The following SETDB2 variants were observed in gnomAD, a reference collection of about 807,000 sequenced individuals.
SETDB2 encodes the protein histone-lysine N-methyltransferase SETDB2.
Under a neutral mutation model 82.5 loss-of-function variants are expected in SETDB2, and 56 were observed. The observed-to-expected ratio is 0.68, with a 90% CI of 0.55 to 0.85. The LOEUF (loss-of-function observed/expected upper bound fraction) is 0.85. Ranked by LOEUF, SETDB2 falls within the 40% of genes least tolerant of loss-of-function variation. The pLI is 0.00. For synonymous variants in SETDB2, 272 were observed against 284.9 expected, an observed-to-expected ratio of 0.95 and a Z score of 0.46; for missense variants, 677 against 816.4, an observed-to-expected ratio of 0.83 and a Z score of 2.08.
chr13:49,470,120 G>A (rs1958197739), intron 5 of SETDB2, among the ~76,000 whole-genome samples: 1 of 152,086 alleles, frequency 6.6e-6, no homozygotes, highest in African/African-American at 2.4e-5. Flanking sequence ...TTAAAAATCC[G>A]AGCTTCCAAG....
At chr13:49,465,317 T>G (rs1343987093) in intron 4 of SETDB2, among the ~76,000 whole-genome samples, 1 of 152,222 alleles carries the variant, frequency 6.6e-6, no homozygotes, top group African/African-American at 2.4e-5. Flanking sequence ...CCCTTTCCTC[T>G]TTTTTCTAAT....
In SETDB2 at chr13:49,476,982, C is replaced by G. The variant is rs1412298373; in HGVS notation, c.812C>G (p.Thr271Ser). ...KTVWPRAYNL[T>S]NFSSMFTDSC... is the part of the protein sequence containing the mutation. ...GTGTGGCCTCGAGCATATAATCTAA[C>G]CAACTTTTCCAGCATGTTTACTGAT... is the stretch of plus-strand genomic sequence containing the variant. The change falls in exon 6 of 14, where the codon ACC becomes AGC. Residue 271 changes from threonine to serine, a missense_variant. By Grantham distance (58) the Thr-to-Ser change is moderately conservative. This residue lies in a region of SETDB2 where 420 missense variants were observed against 554.6 expected (regional missense o/e 0.76). Coordinates refer to ENST00000611815, the MANE Select transcript of SETDB2 (RefSeq NM_001160308.3). 1 of 1,612,598 alleles carries G rather than the reference C, an allele frequency of 6.2e-7. No individual in the cohort carries two copies. The highest frequency in any genetic ancestry group is 8.5e-7 in the Non-Finnish European group (1 of 1,179,774).
intron 11 of SETDB2, among the ~76,000 whole-genome samples, chr13:49,486,779 T>C (rs1395292752): frequency 6.6e-6 from 1 of 152,178 alleles, no homozygotes; most frequent in Non-Finnish European, 1.5e-5. Context: ...TGGACAAACA[T>C]TGTTTTTGGT....
Position 49,451,797 on chromosome 13 carries a change from A to G in SETDB2, c.-97A>G, listed in dbSNP as rs1003233544. 5 of 936,174 alleles carry G rather than the reference A, an allele frequency of 5.3e-6. No homozygotes were observed. The highest frequency in any genetic ancestry group is 8.1e-6 in the Non-Finnish European group (5 of 615,286). The allele number at this position is 936,174 out of a possible 1,614,324, so 58.0% of individuals were successfully genotyped here. On this transcript the variant is annotated 5_prime_UTR_variant, in exon 2 of 14. Coordinates refer to ENST00000611815, the MANE Select transcript of SETDB2 (RefSeq NM_001160308.3). Reference sequence around the variant, plus strand: ...ATTTTGTCTGAGGACTGCAAATTTTATAGAGACCACAGTTGGATTCCAGTG... The same window carrying G: ...ATTTTGTCTGAGGACTGCAAATTTTGTAGAGACCACAGTTGGATTCCAGTG...
At position 49,491,841 on chromosome 13, in the gene SETDB2, A is replaced by T. The variant is rs766143067; in HGVS notation, c.2116A>T (p.Ile706Leu). ...QCGVNKCRKKIL is the reference protein window; with the variant it reads ...QCGVNKCRKKLL ...TGGGGTTAATAAATGTAGAAAAAAA[A>T]TATTATAAATATGTAACTAACGCCT... is the stretch of plus-strand genomic sequence containing the variant. Residue 706 changes from isoleucine (I) to leucine (L), a missense_variant, in exon 14 of 14, where the codon ATA (isoleucine) becomes TTA (leucine). Ile to Leu is a conservative substitution (Grantham distance 5). Transcript: ENST00000611815. 17 of 1,592,182 alleles carry T rather than the reference A, an allele frequency of 1.1e-5. No individual in the cohort carries two copies. The Admixed American group carries it at 2.0e-4, about 19-fold the overall frequency.
Position 49,471,828 on chromosome 13 carries a change from A to G in SETDB2, c.305+3868A>G, listed in dbSNP as rs1452872506. Reference sequence around the variant, plus strand: ...CTCAACTCTACTTCTCTCTGTTACCAGTAGGTTTCTTCTCTTCCCACATGA... The same window carrying G: ...CTCAACTCTACTTCTCTCTGTTACCGGTAGGTTTCTTCTCTTCCCACATGA... On this transcript the variant is annotated intron_variant, in intron 5 of 13. Transcript: ENST00000611815. Among the ~76,000 whole-genome samples, 6 of 150,824 alleles carry G rather than the reference A, an allele frequency of 4.0e-5. No individual in the cohort carries two copies. In the East Asian group the frequency reaches 5.8e-4, roughly 15 times the overall value.
intron 2 of SETDB2, among the ~76,000 whole-genome samples, chr13:49,456,954 TAAGG>T (rs1479141039): frequency 2.6e-5 from 4 of 152,124 alleles, no homozygotes; most frequent in Non-Finnish European, 5.9e-5. Context: ...TATGAGATAA[TAAGG>T]AAGTCATAAG....
At position 49,476,688 on chromosome 13, in the gene SETDB2, C is replaced by T. The variant is rs1958371003; in HGVS notation, c.518C>T (p.Ser173Leu). The change falls in exon 6 of 14, where the codon TCA becomes TTA. Residue 173 changes from serine (S) to leucine (L), a missense_variant. Ser to Leu is a moderately radical substitution (Grantham distance 145, BLOSUM62 -2). Around this residue, in one of 3 missense-constraint regions of SETDB2, gnomAD observed 243 missense variants for 237.2 expected, o/e 1.02. Transcript: ENST00000611815. ...RRHAKTNSHS[S>L]ALHVSYKTPC... is the part of the protein sequence containing the mutation. ...CATGCAAAGACAAACTCTCATTCTTCAGCACTCCACGTGAGTTATAAAACC... is the reference window on the plus strand; with the variant it reads ...CATGCAAAGACAAACTCTCATTCTTTAGCACTCCACGTGAGTTATAAAACC... The T allele has an allele frequency of 3.1e-6, 5 of 1,614,212 alleles. No homozygotes were observed. The highest frequency in any genetic ancestry group is 4.2e-6 in the Non-Finnish European group (5 of 1,180,032).
rs1210948516 is a variant in SETDB2 at position 49,476,722 on chromosome 13, A to T, written c.552A>T (p.Gly184=). Residue 184 remains glycine, a synonymous_variant, in exon 6 of 14, where the codon GGA becomes GGT. Coordinates refer to ENST00000611815, the MANE Select transcript of SETDB2 (RefSeq NM_001160308.3). ...ACGTGAGTTATAAAACCCCTTGTGG[A>T]AGGAGTCTACGAAACGTGGAGGAAG... The part of the protein sequence containing the change: ...ALHVSYKTPC[G]RSLRNVEEVF... 6.2e-7 allele frequency: 1 copy of T among 1,614,234 alleles called. No individual in the cohort carries two copies.
At chr13:49,449,762 T>G (rs1957754391) in intron 1 of SETDB2, among the ~76,000 whole-genome samples, 2 of 152,334 alleles carry the variant, frequency 1.3e-5, no homozygotes, top group Admixed American at 1.3e-4. Context: ...TCATGATATC[T>G]TTAAGAATTT....
chr13:49,451,770 G>A lies in SETDB2; in HGVS notation c.-124G>A, dbSNP rs1376641264. On this transcript the variant is annotated 5_prime_UTR_variant, in exon 2 of 14. An upstream start codon of the reference 5' UTR is lost. Coordinates refer to ENST00000611815, the MANE Select transcript of SETDB2 (RefSeq NM_001160308.3). ...ACCAGGTTTAGAATGGTATAATGAT[G>A]TATTTTGTCTGAGGACTGCAAATTT... The A allele has an allele frequency of 1.6e-5, 10 of 607,868 alleles. No individual in the cohort carries two copies. The highest frequency in any genetic ancestry group is 2.9e-5 in the Non-Finnish European group (10 of 350,540). 37.7% of individuals were successfully genotyped at this position (607,868 alleles called of 1,614,324 possible).
Position 49,476,763 on chromosome 13 carries a change from T to C in SETDB2, c.593T>C (p.Leu198Pro), listed in dbSNP as rs1163766905. Residue 198 changes from leucine (L) to proline (P), a missense_variant, in exon 6 of 14, where the codon CTT (leucine) becomes CCT (proline). This residue lies in a region of SETDB2 where 243 missense variants were observed against 237.2 expected (regional missense o/e 1.02). Transcript: ENST00000611815. Reference protein sequence around the residue: ...RNVEEVFRYLLETECNFLFTD... With the variant: ...RNVEEVFRYLPETECNFLFTD... ...GTGGAGGAAGTTTTTCGTTACCTGC[T>C]TGAGACAGAGTGTAACTTTTTATTT... is the stretch of plus-strand genomic sequence containing the variant. The C allele has an allele frequency of 6.2e-7, 1 of 1,614,156 alleles. No individual in the cohort carries two copies. The highest frequency in any genetic ancestry group is 1.7e-5 in the Admixed American group (1 of 60,020).
Position 49,444,552 on chromosome 13 carries a change from T to C in SETDB2, c.-647T>C, listed in dbSNP as rs890453641. 2 of 157,026 alleles carry C rather than the reference T, an allele frequency of 1.3e-5. No individual in the cohort carries two copies. The highest frequency in any genetic ancestry group is 2.4e-5 in the African/African-American group (1 of 41,434). 9.7% of individuals were successfully genotyped at this position (157,026 alleles called of 1,614,324 possible). ...CGTGGCTGGCCCCCGACAGTTCCTC[T>C]AGCCGGGAGGTTGGAGGAGCTGAAA... On this transcript the variant is annotated 5_prime_UTR_variant, in exon 1 of 14. Coordinates refer to ENST00000611815, the MANE Select transcript of SETDB2 (RefSeq NM_001160308.3).
intron 13 of SETDB2, 26 bp from the exon 14 acceptor site, chr13:49,491,706 A>G (rs780069264): frequency 6.6e-7 from 1 of 1,522,338 alleles, no homozygotes; most frequent in Non-Finnish European, 9.1e-7. Context: ...GTATTTTATG[A>G]TTCTTTTCAA....
intron 5 of SETDB2, 103 bp downstream of exon 5, chr13:49,468,063 C>T (rs1265959368): frequency 1.5e-6 from 1 of 657,308 alleles, no homozygotes; most frequent in African/African-American, 1.9e-5. Context: ...AAAAATTTTT[C>T]CCATTAAAGC....
chr13:49,477,014 G>A lies in SETDB2; in HGVS notation c.844G>A (p.Asp282Asn). Residue 282 changes from aspartate to asparagine, a missense_variant, in exon 6 of 14, where the codon GAC becomes AAC. Physicochemically the swap from Asp to Asn is conservative, Grantham distance 23. Transcript: ENST00000611815. ...NFSSMFTDSC[D>N]CSEGCIDITK... ...TTCCAGCATGTTTACTGATTCCTGT[G>A]ACTGCTCTGAGGGCTGCATAGACAT... 1 of 1,607,540 alleles carries A rather than the reference G, an allele frequency of 6.2e-7. No individual in the cohort carries two copies. The highest frequency in any genetic ancestry group is 8.5e-7 in the Non-Finnish European group (1 of 1,178,708).
chr13:49,478,747 C>T (rs1052078761), intron 6 of SETDB2, among the ~76,000 whole-genome samples: 14 of 151,988 alleles, frequency 9.2e-5, no homozygotes, highest in African/African-American at 2.9e-4. Flanking sequence ...AGCAACCTAG[C>T]GAAACCCCAT....
Position 49,481,129 on chromosome 13 carries a change from T to C in SETDB2, c.1156+13T>C. 1.2e-6 allele frequency: 2 copies of C among 1,605,992 alleles called. No individual in the cohort carries two copies. Among genetic ancestry groups the C allele is most frequent in the South Asian group, 2.2e-5 (2 of 90,094 alleles). ...TGCATTTATTCAGGTAAAGCAAAAG[T>C]TTATTTTCAAATTATTCTAGAGTAG... On this transcript the variant is annotated intron_variant, in intron 8 of 13. Coordinates refer to ENST00000611815, the MANE Select transcript of SETDB2 (RefSeq NM_001160308.3).
chr13:49,477,437 AAAAAAT>A (rs987399204), intron 6 of SETDB2, among the ~76,000 whole-genome samples: 33 of 152,260 alleles, frequency 2.2e-4, no homozygotes, highest in South Asian at 8.3e-4. Context: ...CCCTGTCTCC[AAAAAAT>A]AAAAATAAAA....
Sources: gnomAD v4.1 joint callset for allele counts (sites outside exome capture counted in the v4.1 genomes callset) on GRCh38, gnomAD v4.1.1 for gene constraint, gnomAD v4.1.1 regional missense constraint, MANE v1.5 for transcripts, NCBI Gene and HGNC (gene_info 2026-07-23, HGNC 2026-07-21) for gene names.